Variants in LAMA3 observed in about 807,000 individuals in gnomAD.
The protein encoded by LAMA3 is laminin subunit alpha-3.
Under a neutral mutation model 402.0 loss-of-function variants are expected in LAMA3, and 281 were observed. The ratio of observed to expected loss-of-function variants is 0.70; its 90% CI spans 0.63 to 0.77. The LOEUF (loss-of-function observed/expected upper bound fraction) is 0.77, where lower values mean the gene tolerates loss of function less well. Among genes scored for constraint, LAMA3 ranks in the 30% least tolerant of loss-of-function variants. The pLI is 0.00. For synonymous variants in LAMA3, 1,431 were observed against 1,558.4 expected (o/e 0.92, Z 1.93); for missense variants, 3,840 against 4,215.5 (o/e 0.91, Z 2.47).
rs143363514 is a variant in LAMA3, at chr18:23,827,815, G to A, written c.2823+348G>A. On this transcript the variant is annotated intron_variant, in intron 23 of 74. Transcript: ENST00000313654. ...ACAGATGAGACTCAATCTAGTAAGC[G>A]TCCAGAAATGACACAGCTTACCCTA... is the stretch of plus-strand genomic sequence containing the variant. Among the ~76,000 whole-genome samples the A allele has an allele frequency of 8.7e-4, 132 of 152,204 alleles. 3 individuals are homozygous for A. The South Asian group carries it at 0.025, about 29-fold the overall frequency.
At chr18:23,723,873 A>AT (rs1032201240) in intron 2 of LAMA3, among the ~76,000 whole-genome samples, 3 of 151,936 alleles carry the variant, frequency 2.0e-5, no homozygotes, top group African/African-American at 2.4e-5. Flanking sequence ...TACTATCTGT[A>AT]TTTTTTTTAA....
chr18:23,836,998 CT>C lies in LAMA3; in HGVS notation c.3003del (p.Val1002Ter). 1 of 1,613,628 alleles carries C rather than the reference CT, an allele frequency of 6.2e-7. No homozygotes were observed. The highest frequency in any genetic ancestry group is 1.1e-5 in the South Asian group (1 of 91,054). On this transcript the variant is annotated frameshift_variant, in exon 25 of 75. Coordinates refer to ENST00000313654, the MANE Select transcript of LAMA3 (RefSeq NM_198129.4). LOFTEE classifies it high-confidence loss of function. ...TCTTGCAGTGTTCTCTGCCGGAGTG[CT>C]GTGATTGATCACATGAGCCGCATCG... ...SCNYSVLCRS[A>X]VIDHMSRIAM...
At chr18:23,951,844 T>A in intron 73 of LAMA3, 67 bp downstream of exon 73, 3 of 1,266,496 alleles carry the variant, frequency 2.4e-6, no homozygotes, top group Non-Finnish European at 3.4e-6. Context: ...GACTTGAACA[T>A]CCCAAAGGCA....
At chr18:23,903,339 G>A (rs1001143920) in intron 49 of LAMA3, among the ~76,000 whole-genome samples, 5 of 152,014 alleles carry the variant, frequency 3.3e-5, no homozygotes, top group Non-Finnish European at 5.9e-5. Context: ...TAATTTGTCC[G>A]CAATGAGCAA....
At chr18:23,731,529 A>G (rs899660504) in intron 2 of LAMA3, among the ~76,000 whole-genome samples, 4 of 152,226 alleles carry the variant, frequency 2.6e-5, no homozygotes, top group Non-Finnish European at 5.9e-5. Context: ...ATCTACCTGA[A>G]GACACTTACT....
intron 2 of LAMA3, among the ~76,000 whole-genome samples, chr18:23,721,252 C>T (rs1310097183): frequency 6.6e-6 from 1 of 152,112 alleles, no homozygotes; most frequent in Non-Finnish European, 1.5e-5. Context: ...CTGATTAATA[C>T]TGTGGCTAAA....
chr18:23,936,905 A>G (rs996896613), intron 67 of LAMA3, among the ~76,000 whole-genome samples: 2 of 152,188 alleles, frequency 1.3e-5, no homozygotes, highest in Non-Finnish European at 2.9e-5. Context: ...ACCTACATCA[A>G]TTGGACATTT....
chr18:23,729,813 C>G (rs1224084837), intron 2 of LAMA3, among the ~76,000 whole-genome samples: 1 of 152,218 alleles, frequency 6.6e-6, no homozygotes, highest in Non-Finnish European at 1.5e-5. Flanking sequence ...TGGGATAGAC[C>G]CGGGATTTGC....
At position 23,871,530 on chromosome 18, in the gene LAMA3, T is replaced by C. The variant is rs745469517; in HGVS notation, c.4867T>C (p.Phe1623Leu). Residue 1623 changes from phenylalanine to leucine, a missense_variant, in exon 38 of 75, where the codon TTC becomes CTC. This residue lies in a region of LAMA3 where 2,109 missense variants were observed against 2,376.0 expected (regional missense o/e 0.89). Transcript: ENST00000313654. ...LADVRIQGLY[F>L]TETQRLTLSE... ...AGATGTGCGCATCCAAGGCCTCTAC[T>C]TCACAGAGACTCAAAGGCTCACCCT... 1.9e-6 allele frequency: 3 copies of C among 1,614,062 alleles called. No individual in the cohort carries two copies. The East Asian group carries it at 6.7e-5, about 36-fold the overall frequency.
intron 8 of LAMA3, among the ~76,000 whole-genome samples, chr18:23,765,885 G>C (rs1332867763): frequency 6.6e-6 from 1 of 152,076 alleles, no homozygotes; most frequent in Non-Finnish European, 1.5e-5. Context: ...TGAATTTGAA[G>C]ATAGATTAGT....
intron 1 of LAMA3, among the ~76,000 whole-genome samples, chr18:23,692,613 A>G (rs1437445482): frequency 6.6e-6 from 1 of 152,150 alleles, no homozygotes; most frequent in African/African-American, 2.4e-5. Flanking sequence ...CTCACTGCAA[A>G]TCTTTTGTTG....
rs1085308017 is a variant in LAMA3 at position 23,914,539 on chromosome 18, A to T, written c.7459A>T (p.Met2487Leu). 9 of 1,614,186 alleles carry T rather than the reference A, an allele frequency of 5.6e-6. No homozygotes were observed. The highest frequency in any genetic ancestry group is 7.6e-6 in the Non-Finnish European group (9 of 1,180,022). ...LTKSETKEAV[M>L]DRVKFQRIYQ... is the part of the protein sequence containing the mutation. ...CAAGAGTGAGACTAAGGAGGCAGTT[A>T]TGGATCGGGTGAAATTTCAGAGGTA... Residue 2487 changes from methionine to leucine, a missense_variant, in exon 57 of 75, where the codon ATG becomes TTG. Physicochemically the swap from Met to Leu is conservative, Grantham distance 15. This residue lies in a region of LAMA3 where 891 missense variants were observed against 857.5 expected (regional missense o/e 1.04). Transcript: ENST00000313654.
chr18:23,937,764 G>A (rs951059451), intron 67 of LAMA3, among the ~76,000 whole-genome samples: 1 of 152,164 alleles, frequency 6.6e-6, no homozygotes, highest in Non-Finnish European at 1.5e-5. Flanking sequence ...GCTGATATAA[G>A]TAACTCACTT....
intron 6 of LAMA3, among the ~76,000 whole-genome samples, chr18:23,754,556 T>A (rs1396883723): frequency 6.6e-6 from 1 of 152,262 alleles, no homozygotes; most frequent in Admixed American, 6.5e-5. Context: ...TATGTATATA[T>A]TACATTCTGT....
intron 12 of LAMA3, among the ~76,000 whole-genome samples, chr18:23,792,309 C>T (rs999564103): frequency 2.0e-5 from 3 of 152,156 alleles, no homozygotes; most frequent in Non-Finnish European, 4.4e-5. Flanking sequence ...GAGCATAGCG[C>T]CACATCTGGC....
chr18:23,740,951 G>A (rs2061551664), intron 2 of LAMA3, among the ~76,000 whole-genome samples: 1 of 150,468 alleles, frequency 6.6e-6, no homozygotes, highest in Non-Finnish European at 1.5e-5. Context: ...CCTAAACCAA[G>A]CACACTTTTT....
intron 72 of LAMA3, 33 bp from the exon 73 acceptor site, chr18:23,951,651 T>C: frequency 6.3e-7 from 1 of 1,585,810 alleles, no homozygotes; most frequent in South Asian, 1.1e-5. Flanking sequence ...CCTGCCTTCC[T>C]GAAGGAAATA....
chr18:23,897,385 G>T (rs933388411), intron 44 of LAMA3, among the ~76,000 whole-genome samples: 2 of 152,154 alleles, frequency 1.3e-5, no homozygotes, highest in Non-Finnish European at 2.9e-5. Flanking sequence ...TGGAGAAGAG[G>T]AGGGAAAAGC....
Position 23,834,200 on chromosome 18 carries a change from A to T in LAMA3, c.2984+212A>T, listed in dbSNP as rs1020448807. On this transcript the variant is annotated intron_variant, in intron 24 of 74. Coordinates refer to ENST00000313654, the MANE Select transcript of LAMA3 (RefSeq NM_198129.4). ...CAGTGTAAAAATGTGGCATTTTCTT[A>T]AAAAGCTGTATGCTGTACTTAGCAA... 6 of 588,500 alleles carry T rather than the reference A, an allele frequency of 1.0e-5. No homozygotes were observed. In the East Asian group the frequency reaches 1.8e-4, roughly 18 times the overall value. The allele number at this position is 588,500 out of a possible 1,614,324, so 36.5% of individuals were successfully genotyped here.
Sources: gnomAD v4.1 joint callset for allele counts (sites outside exome capture counted in the v4.1 genomes callset) on GRCh38, gnomAD v4.1.1 for gene constraint, gnomAD v4.1.1 regional missense constraint, MANE v1.5 for transcripts, NCBI Gene and HGNC (gene_info 2026-07-23, HGNC 2026-07-21) for gene names.